Variants in IVNS1ABP observed in about 807,000 individuals in gnomAD.
IVNS1ABP encodes the protein influenza virus NS1A-binding protein.
In IVNS1ABP, 25 loss-of-function variants were observed where a neutral mutation model predicts 78.9. The observed-to-expected ratio is 0.32, with a 90% CI of 0.23 to 0.44. The LOEUF is 0.44. Among genes scored for constraint, IVNS1ABP ranks in the 20% least tolerant of loss-of-function variants. The pLI is 1.00. For synonymous variants in IVNS1ABP, 241 were observed against 259.7 expected (o/e 0.93, Z 0.69); for missense variants, 494 against 768.9 (o/e 0.64, Z 4.23).
At position 185,301,085 on chromosome 1, in the gene IVNS1ABP, C is replaced by T. The variant is rs374578498; in HGVS notation, c.1007G>A (p.Ser336Asn). The change falls in exon 10 of 15, where the codon AGT (serine) becomes AAT (asparagine). Residue 336 changes from serine to asparagine, a missense_variant. Transcript: ENST00000367498. Reference sequence around the variant, plus strand: ...ATCTTGTTGCATCTCAAAGCTTAAACTCTTACTTAGTTTTGGAGTACTTGT... The same window carrying T: ...ATCTTGTTGCATCTCAAAGCTTAAATTCTTACTTAGTTTTGGAGTACTTGT... ...SPTSTPKLSK[S>N]LSFEMQQDEL... 14 of 1,613,518 alleles carry T rather than the reference C, an allele frequency of 8.7e-6. No individual in the cohort carries two copies. The African/African-American group carries it at 1.7e-4, about 20-fold the overall frequency.
rs563479906 is a variant in IVNS1ABP, at chr1:185,316,454, C to T, written c.-247+499G>A. Among the ~76,000 whole-genome samples the T allele has an allele frequency of 9.5e-4, 144 of 152,294 alleles. 1 individual carries two copies. Among genetic ancestry groups the T allele is most frequent in the African/African-American group, 3.3e-3 (137 of 41,570 alleles). ...CTACTCCAGGCCCGGGGCTGGCTGCCCGCCCACACGAGCCGAGTCTCGAGA... is the reference window on the plus strand; with the variant it reads ...CTACTCCAGGCCCGGGGCTGGCTGCTCGCCCACACGAGCCGAGTCTCGAGA... On this transcript the variant is annotated intron_variant, in intron 1 of 14. Coordinates refer to ENST00000367498, the MANE Select transcript of IVNS1ABP (RefSeq NM_006469.5).
chr1:185,305,781 G>A lies in IVNS1ABP; in HGVS notation c.658-138C>T. ...TGACATATTACTCTGGCAGGATCCGGAGGTAAAGAAAAATACATGTCATGG... is the reference window on the plus strand; with the variant it reads ...TGACATATTACTCTGGCAGGATCCGAAGGTAAAGAAAAATACATGTCATGG... On this transcript the variant is annotated intron_variant, in intron 7 of 14. Transcript: ENST00000367498. This position sits in a 1 kb window ranked among gnomAD's most constrained non-coding sequence, Gnocchi z 4.0. The A allele has an allele frequency of 1.1e-6, 1 of 897,536 alleles. No homozygotes were observed. The highest frequency in any genetic ancestry group is 1.6e-6 in the Non-Finnish European group (1 of 644,666). The allele number at this position is 897,536 out of a possible 1,614,324, so 55.6% of individuals were successfully genotyped here. A position where few individuals can be genotyped will look rare whatever the true frequency, so the allele number is the denominator to read the frequency against.
intron 14 of IVNS1ABP, chr1:185,299,448 T>C (rs546119883): frequency 6.2e-6 from 3 of 481,070 alleles, no homozygotes; most frequent in Admixed American, 3.4e-5. Flanking sequence ...AGGATATGTT[T>C]TATAGAAGAA....
chr1:185,309,349 A>C, intron 3 of IVNS1ABP, 34 bp downstream of exon 3: 1 of 1,437,642 alleles, frequency 7.0e-7, no homozygotes, highest in Non-Finnish European at 9.5e-7. Flanking sequence ...TAGTAATAAA[A>C]AATTCTATAA....
chr1:185,299,646 T>G (rs1665515038), intron 14 of IVNS1ABP, 64 bp downstream of exon 14: 2 of 1,504,920 alleles, frequency 1.3e-6, no homozygotes, highest in Non-Finnish European at 1.8e-6. Context: ...GCCTTTTCTC[T>G]CAGAGTTTTA....
chr1:185,317,122 G>A lies in IVNS1ABP; in HGVS notation c.-416C>T, dbSNP rs1451931584. ...CCGTGGAGACTGAAAGGAAGGGGGA[G>A]CGCCACCGAGAACTCGCGGGAACTC... On this transcript the variant is annotated 5_prime_UTR_variant, in exon 1 of 15. Coordinates refer to ENST00000367498, the MANE Select transcript of IVNS1ABP (RefSeq NM_006469.5). 5.3e-6 allele frequency: 2 copies of A among 378,988 alleles called. No individual in the cohort carries two copies. Among genetic ancestry groups the A allele is most frequent in the Non-Finnish European group, 9.2e-6 (2 of 218,140 alleles). The allele number at this position is 378,988 out of a possible 1,614,324, so 23.5% of individuals were successfully genotyped here.
chr1:185,305,842 A>C lies in IVNS1ABP; in HGVS notation c.658-199T>G. The C allele has an allele frequency of 1.7e-5, 9 of 542,960 alleles. No individual in the cohort carries two copies. The highest frequency in any genetic ancestry group is 5.0e-4 in the Middle Eastern group (1 of 2,002). The allele number at this position is 542,960 out of a possible 1,614,324, so 33.6% of individuals were successfully genotyped here. A position where few individuals can be genotyped will look rare whatever the true frequency, so the allele number is the denominator to read the frequency against. On this transcript the variant is annotated intron_variant, in intron 7 of 14. Transcript: ENST00000367498. The surrounding 1 kb of genome is among the most constrained non-coding windows in gnomAD (Gnocchi z 4.0). Reference sequence around the variant, plus strand: ...TAAAAAACAAAAACAAAAAACCAAAATCAAATACAAAATCTTCCAATACTG... The same window carrying C: ...TAAAAAACAAAAACAAAAAACCAAACTCAAATACAAAATCTTCCAATACTG...
chr1:185,317,077 T>C lies in IVNS1ABP; in HGVS notation c.-371A>G, dbSNP rs1054077409. 1 of 398,160 alleles carries C rather than the reference T, an allele frequency of 2.5e-6. No individual in the cohort carries two copies. The allele number at this position is 398,160 out of a possible 1,614,324, so 24.7% of individuals were successfully genotyped here. On this transcript the variant is annotated 5_prime_UTR_variant, in exon 1 of 15. Coordinates refer to ENST00000367498, the MANE Select transcript of IVNS1ABP (RefSeq NM_006469.5). ...GCGGCGGAAGACGGGAGCGGTCAAGTAGAAGGACGAGGGGCCAGTCCGTGG... is the reference window on the plus strand; with the variant it reads ...GCGGCGGAAGACGGGAGCGGTCAAGCAGAAGGACGAGGGGCCAGTCCGTGG...
chr1:185,304,704 G>A (rs1481763686), intron 8 of IVNS1ABP, among the ~76,000 whole-genome samples: 1 of 152,086 alleles, frequency 6.6e-6, no homozygotes, highest in African/African-American at 2.4e-5. Context: ...GTAGGATAAT[G>A]GTTTCCTTTG....
intron 10 of IVNS1ABP, 85 bp from the exon 11 acceptor site, chr1:185,300,643 G>T: frequency 7.2e-7 from 1 of 1,380,280 alleles, no homozygotes; most frequent in Non-Finnish European, 1.0e-6. Context: ...TAAGAAATCT[G>T]CACAATGAGA....
At chr1:185,310,618 TAAAG>T (rs1191480439) in intron 2 of IVNS1ABP, among the ~76,000 whole-genome samples, 1 of 150,908 alleles carries the variant, frequency 6.6e-6, no homozygotes, top group African/African-American at 2.4e-5. Flanking sequence ...TAAAATAAAA[TAAAG>T]AACAGTAATA....
At chr1:185,316,603 C>T (rs1558121777) in intron 1 of IVNS1ABP, among the ~76,000 whole-genome samples, 1 of 152,226 alleles carries the variant, frequency 6.6e-6, no homozygotes, top group Non-Finnish European at 1.5e-5. Context: ...GGCGCCCTAA[C>T]CCAGGCCCCC....
rs779668022 is a variant in IVNS1ABP, at chr1:185,300,125, A to C, written c.1375T>G (p.Cys459Gly). The part of the protein sequence containing the change: ...LRTNRCNAGV[C>G]ALNGKLYIVG... The stretch of plus-strand genomic sequence containing the variant: ...ATGTATAACTTTCCATTCAGAGCAC[A>C]CACTCCTATGTAAGTATAAAATAAA... Residue 459 changes from cysteine to glycine, a missense_variant, in exon 13 of 15, where the codon TGT becomes GGT. Physicochemically the swap from Cys to Gly is radical, Grantham distance 159. Coordinates refer to ENST00000367498, the MANE Select transcript of IVNS1ABP (RefSeq NM_006469.5). The C allele has an allele frequency of 6.2e-7, 1 of 1,612,884 alleles. No individual in the cohort carries two copies. The highest frequency in any genetic ancestry group is 8.5e-7 in the Non-Finnish European group (1 of 1,179,240).
At chr1:185,303,677 C>T (rs1665659263) in intron 8 of IVNS1ABP, among the ~76,000 whole-genome samples, 1 of 151,914 alleles carries the variant, frequency 6.6e-6, no homozygotes, top group Non-Finnish European at 1.5e-5. Flanking sequence ...CCTTCATGCC[C>T]CTAGATTAAT....
intron 10 of IVNS1ABP, 62 bp downstream of exon 10, chr1:185,300,910 A>T: frequency 7.7e-7 from 1 of 1,291,254 alleles, no homozygotes; most frequent in Non-Finnish European, 1.1e-6. Context: ...TCTCTTTGAA[A>T]GTTTGCATGT....
chr1:185,298,448 T>G lies in IVNS1ABP; in HGVS notation c.1676-160A>C, dbSNP rs866114160. On this transcript the variant is annotated intron_variant, in intron 14 of 14. Coordinates refer to ENST00000367498, the MANE Select transcript of IVNS1ABP (RefSeq NM_006469.5). The surrounding 1 kb of genome is among the most constrained non-coding windows in gnomAD (Gnocchi z 4.1). ...ATTAAATGCCTAATATGACAAATACTCTCTAAGAGCTGGGAATCAAATCAA... is the reference window on the plus strand; with the variant it reads ...ATTAAATGCCTAATATGACAAATACGCTCTAAGAGCTGGGAATCAAATCAA... 1.5e-6 allele frequency: 1 copy of G among 658,634 alleles called. No homozygotes were observed. The highest frequency in any genetic ancestry group is 4.2e-4 in the Middle Eastern group (1 of 2,388). 40.8% of individuals were successfully genotyped at this position (658,634 alleles called of 1,614,324 possible). A position where few individuals can be genotyped will look rare whatever the true frequency, so the allele number is the denominator to read the frequency against.
At chr1:185,304,312 G>A (rs938948523) in intron 8 of IVNS1ABP, among the ~76,000 whole-genome samples, 5 of 152,168 alleles carry the variant, frequency 3.3e-5, no homozygotes, top group African/African-American at 1.2e-4. Context: ...ACCTCTGCAT[G>A]TTGAAAATGT....
intron 5 of IVNS1ABP, 142 bp from the exon 6 acceptor site, chr1:185,307,804 TAAC>T (rs1320340186): frequency 8.4e-7 from 1 of 1,186,152 alleles, no homozygotes; most frequent in Non-Finnish European, 1.2e-6. Flanking sequence ...ATAGTGGTAA[TAAC>T]ACGTATACAA....
chr1:185,301,423 C>T lies in IVNS1ABP; in HGVS notation c.895+11G>A, dbSNP rs200849608. Reference sequence around the variant, plus strand: ...AAGCTGAAAACAATCTGGCAAGTGTCATATACTTACTTGAAGTCTTTTCTG... The same window carrying T: ...AAGCTGAAAACAATCTGGCAAGTGTTATATACTTACTTGAAGTCTTTTCTG... On this transcript the variant is annotated intron_variant, in intron 9 of 14. Coordinates refer to ENST00000367498, the MANE Select transcript of IVNS1ABP (RefSeq NM_006469.5). 87 of 1,612,826 alleles carry T rather than the reference C, an allele frequency of 5.4e-5. No individual in the cohort carries two copies. The African/African-American group carries it at 1.1e-3, about 20-fold the overall frequency.
Sources: gnomAD v4.1 joint callset for allele counts (sites outside exome capture counted in the v4.1 genomes callset) on GRCh38, gnomAD v4.1.1 for gene constraint, Gnocchi (gnomAD v3.1) non-coding constraint, MANE v1.5 for transcripts, NCBI Gene and HGNC (gene_info 2026-07-23, HGNC 2026-07-21) for gene names.